MEGF10: variants seen among roughly 807,000 people sequenced by gnomAD.
MEGF10 encodes the protein multiple epidermal growth factor-like domains protein 10.
Under a neutral mutation model 147.5 loss-of-function variants are expected in MEGF10, and 86 were observed. The ratio of observed to expected loss-of-function variants is 0.58; its 90% CI spans 0.49 to 0.70. The LOEUF (loss-of-function observed/expected upper bound fraction) is 0.70, where lower values mean the gene tolerates loss of function less well. Ranked by LOEUF, MEGF10 falls within the 30% of genes least tolerant of loss-of-function variation. MEGF10 has a pLI of 0.00. For synonymous variants in MEGF10, 478 were observed against 525.5 expected (o/e 0.91, Z 1.24); for missense variants, 1,329 against 1,487.3 (o/e 0.89, Z 1.75).
intron 1 of MEGF10, among the ~76,000 whole-genome samples, chr5:127,313,942 C>T (rs1206455839): frequency 6.6e-6 from 1 of 152,200 alleles, no homozygotes; most frequent in Non-Finnish European, 1.5e-5. Flanking sequence ...TCATGTTTTA[C>T]TTTCGGTTCC....
At chr5:127,263,097 T>G in the MEGF10 span, among the ~76,000 whole-genome samples, 12 of 152,088 alleles carry the variant, frequency 7.9e-5, no homozygotes, top group Non-Finnish European at 1.8e-4. Context: ...GTATATTGCC[T>G]TGCTTTTCTT....
At chr5:127,426,907 T>C (rs942841593) in intron 13 of MEGF10, among the ~76,000 whole-genome samples, 4 of 152,214 alleles carry the variant, frequency 2.6e-5, no homozygotes, top group Non-Finnish European at 5.9e-5. Flanking sequence ...CACTGTCACC[T>C]GGGAACTCTT....
chr5:127,300,444 G>A (rs1421373979), intron 1 of MEGF10, among the ~76,000 whole-genome samples: 2 of 152,158 alleles, frequency 1.3e-5, no homozygotes, highest in Non-Finnish European at 2.9e-5. Flanking sequence ...TGTAGGCATA[G>A]GATGCTTAAT....
At chr5:127,305,700 C>T (rs1421286325) in intron 1 of MEGF10, among the ~76,000 whole-genome samples, 1 of 152,112 alleles carries the variant, frequency 6.6e-6, no homozygotes, top group Admixed American at 6.6e-5. Flanking sequence ...CCCTTGCTTT[C>T]CTTCCAAGGC....
At chr5:127,292,455 C>T (rs779027240) in intron 1 of MEGF10, among the ~76,000 whole-genome samples, 5 of 152,108 alleles carry the variant, frequency 3.3e-5, no homozygotes, top group Admixed American at 6.5e-5. Context: ...TTGTTGTATC[C>T]CTCTAGTATA....
At chr5:127,351,065 G>T (rs1319463611) in intron 4 of MEGF10, among the ~76,000 whole-genome samples, 1 of 152,020 alleles carries the variant, frequency 6.6e-6, no homozygotes, top group African/African-American at 2.4e-5. Context: ...GAATGAATAG[G>T]ATCTAGTGTT....
intron 1 of MEGF10, among the ~76,000 whole-genome samples, chr5:127,315,180 G>C: frequency 6.6e-6 from 1 of 152,218 alleles, no homozygotes; most frequent in South Asian, 2.1e-4. Flanking sequence ...AGCTTCCTTA[G>C]TTCAAATTGC....
chr5:127,434,880 TC>T (rs1765504826), intron 15 of MEGF10, 59 bp downstream of exon 15: 3 of 1,555,684 alleles, frequency 1.9e-6, no homozygotes, highest in Middle Eastern at 1.8e-4. Context: ...GGAGAGTCTG[TC>T]CTCAGGCCTC....
intron 2 of MEGF10, among the ~76,000 whole-genome samples, chr5:127,335,033 C>T (rs1761408797): frequency 6.6e-6 from 1 of 152,040 alleles, no homozygotes; most frequent in Non-Finnish European, 1.5e-5. Context: ...GGTTTCTCCC[C>T]AGATAATACT....
chr5:127,316,439 C>T (rs1374475055), intron 1 of MEGF10, among the ~76,000 whole-genome samples: 2 of 152,166 alleles, frequency 1.3e-5, no homozygotes, highest in African/African-American at 4.8e-5. Context: ...ACGTTCTTTT[C>T]AGAGACTACA....
At chr5:127,316,462 C>G (rs1485416667) in intron 1 of MEGF10, among the ~76,000 whole-genome samples, 2 of 152,098 alleles carry the variant, frequency 1.3e-5, no homozygotes, top group Non-Finnish European at 2.9e-5. Context: ...TTTTTTATCT[C>G]TAATTAAAAC....
At chr5:127,243,077 T>C in the MEGF10 span, among the ~76,000 whole-genome samples, 2 of 152,232 alleles carry the variant, frequency 1.3e-5, no homozygotes, top group African/African-American at 2.4e-5. Context: ...GGTATGCATG[T>C]AATGTGGTAG....
intron 5 of MEGF10, among the ~76,000 whole-genome samples, chr5:127,385,968 C>A (rs978446883): frequency 6.6e-6 from 1 of 152,130 alleles, no homozygotes; most frequent in Non-Finnish European, 1.5e-5. Context: ...ATCATCTGGG[C>A]ATGGTAGCAT....
chr5:127,372,765 C>T (rs961857776), intron 5 of MEGF10, among the ~76,000 whole-genome samples: 5 of 152,196 alleles, frequency 3.3e-5, no homozygotes, highest in African/African-American at 9.7e-5. Context: ...TTTCTCTTCA[C>T]ATGATATCAT....
In MEGF10 at chr5:127,303,335, C is replaced by CAAAAAAAAAAA. The variant is rs1174955274; in HGVS notation, c.-19+12289_-19+12299dup. 2.8e-4 allele frequency among the ~76,000 whole-genome samples: 14 copies of CAAAAAAAAAAA among 50,630 alleles called. 5 individuals carry two copies. Among genetic ancestry groups the CAAAAAAAAAAA allele is most frequent in the Non-Finnish European group, 2.8e-4 (6 of 21,224 alleles). 33.2% of individuals were successfully genotyped at this position (50,630 alleles called of 152,430 possible). On this transcript the variant is annotated intron_variant, in intron 1 of 24. Transcript: ENST00000503335. ...TGGACAACAGATCGAGACTCCATGT[C>CAAAAAAAAAAA]AAAAAAAAAAAAAAAAAAAAGCAAT...
At chr5:127,395,096 T>C (rs1221210220) in intron 5 of MEGF10, among the ~76,000 whole-genome samples, 5 of 152,150 alleles carry the variant, frequency 3.3e-5, no homozygotes, top group Non-Finnish European at 5.9e-5. Flanking sequence ...TAAAAGCAGT[T>C]TATTTTGAGC....
At chr5:127,339,785 C>G (rs115221385) in intron 3 of MEGF10, among the ~76,000 whole-genome samples, 375 of 152,256 alleles carry the variant, frequency 2.5e-3, no homozygotes, top group African/African-American at 8.6e-3. Context: ...GCTGATTGTA[C>G]TGCACTAAAT....
At position 127,457,354 on chromosome 5, in the gene MEGF10, T is replaced by C. The variant is rs1436668887; in HGVS notation, c.*36T>C. The C allele has an allele frequency of 1.3e-6, 2 of 1,591,730 alleles. No individual in the cohort carries two copies. Among genetic ancestry groups the C allele is most frequent in the East Asian group, 2.2e-5 (1 of 44,606 alleles). Reference sequence around the variant, plus strand: ...CCGCTTGGTAGCCACTGGAACCCTTTCCAGAACTGCTGTTTGGTTCTTCTC... The same window carrying C: ...CCGCTTGGTAGCCACTGGAACCCTTCCCAGAACTGCTGTTTGGTTCTTCTC... On this transcript the variant is annotated 3_prime_UTR_variant, in exon 25 of 25. Transcript: ENST00000503335.
chr5:127,380,211 G>A (rs922881122), intron 5 of MEGF10, among the ~76,000 whole-genome samples: 1 of 152,036 alleles, frequency 6.6e-6, no homozygotes, highest in African/African-American at 2.4e-5. Flanking sequence ...ATAAATATTT[G>A]TGGATGGAAG....
Sources: allele counts gnomAD v4.1 joint callset (sites outside exome capture counted in the v4.1 genomes callset), GRCh38; gene constraint gnomAD v4.1.1; transcripts MANE v1.5; gene names NCBI Gene and HGNC (gene_info 2026-07-23, HGNC 2026-07-21).